Variants in GALNT14 observed in about 807,000 individuals in gnomAD.
GALNT14 encodes polypeptide N-acetylgalactosaminyltransferase 14.
In GALNT14, 60 loss-of-function variants were observed where a neutral mutation model predicts 77.5. The observed-to-expected ratio is 0.77, with a 90% CI of 0.63 to 0.96. GALNT14 has a LOEUF of 0.96. Among genes scored for constraint, GALNT14 ranks in the 40% least tolerant of loss-of-function variants. The probability of loss-of-function intolerance (pLI) is 0.00; values close to 1 mark genes in which losing one functional copy is unlikely to be tolerated. For missense variants in GALNT14, 710 were observed against 731.0 expected, an observed-to-expected ratio of 0.97 and a Z score of 0.33; for synonymous variants, 280 against 281.7, an observed-to-expected ratio of 0.99 and a Z score of 0.06.
intron 1 of GALNT14, among the ~76,000 whole-genome samples, chr2:31,050,100 G>A (rs562711748): frequency 3.3e-5 from 5 of 152,208 alleles, no homozygotes; most frequent in Admixed American, 1.3e-4. Context: ...AGAGTCCTGC[G>A]CCAAGAAAAA....
intron 1 of GALNT14, among the ~76,000 whole-genome samples, chr2:31,009,723 C>T (rs557013950): frequency 2.8e-4 from 42 of 152,264 alleles, no homozygotes; most frequent in Admixed American, 1.1e-3. Flanking sequence ...AAAGAAATGG[C>T]ACCACCAGCC....
At chr2:31,111,996 T>A (rs969422938) in intron 1 of GALNT14, among the ~76,000 whole-genome samples, 4 of 113,652 alleles carry the variant, frequency 3.5e-5, no homozygotes, top group African/African-American at 1.7e-4. Context: ...GTGTACTTGC[T>A]TTTTTTTTTT....
At chr2:31,013,325 C>T (rs1207212295) in intron 1 of GALNT14, among the ~76,000 whole-genome samples, 1 of 152,158 alleles carries the variant, frequency 6.6e-6, no homozygotes, top group African/African-American at 2.4e-5. Context: ...AAATTGCACA[C>T]CACATTCCAT....
Position 30,910,514 on chromosome 2 carries a change from T to A in GALNT14, c.*387A>T, listed in dbSNP as rs769215339. Reference sequence around the variant, plus strand: ...CTCTTTATTTCTTTTGGAAACAACCTCCATTCTTCATCTCTCAATGTAGTC... The same window carrying A: ...CTCTTTATTTCTTTTGGAAACAACCACCATTCTTCATCTCTCAATGTAGTC... On this transcript the variant is annotated 3_prime_UTR_variant, in exon 15 of 15. Coordinates refer to ENST00000349752, the MANE Select transcript of GALNT14 (RefSeq NM_024572.4). 36 of 165,100 alleles carry A rather than the reference T, an allele frequency of 2.2e-4. No homozygotes were observed. The highest frequency in any genetic ancestry group is 3.8e-4 in the Non-Finnish European group (29 of 76,846). The allele number at this position is 165,100 out of a possible 1,614,324, so 10.2% of individuals were successfully genotyped here.
chr2:31,013,278 C>G (rs35443055), intron 1 of GALNT14, among the ~76,000 whole-genome samples: 27,101 of 152,068 alleles, frequency 0.18, 2,565 homozygotes, highest in Admixed American at 0.26. Context: ...TAAATAAAAA[C>G]CTCCTGAGAT....
At chr2:31,035,717 G>C (rs183390442) in intron 1 of GALNT14, among the ~76,000 whole-genome samples, 26 of 151,420 alleles carry the variant, frequency 1.7e-4, no homozygotes, top group Admixed American at 6.6e-5. Flanking sequence ...AGGAACATGG[G>C]TGGAGCCAGA....
intron 11 of GALNT14, among the ~76,000 whole-genome samples, chr2:30,925,358 A>G (rs1485061315): frequency 2.6e-5 from 4 of 152,230 alleles, no homozygotes; most frequent in Non-Finnish European, 5.9e-5. Flanking sequence ...AAGCTTTTGA[A>G]CAATAGGCAA....
At chr2:31,114,621 A>G (rs1678008530) in intron 1 of GALNT14, 1 of 626,030 alleles carries the variant, frequency 1.6e-6, no homozygotes, top group Non-Finnish European at 2.9e-6. Context: ...AATCAGGGGC[A>G]AAAAGAAATT....
downstream of GALNT14, among the ~76,000 whole-genome samples, chr2:30,907,904 A>ACG (rs1401452346): frequency 8.5e-6 from 1 of 117,348 alleles, no homozygotes; most frequent in African/African-American, 3.3e-5. Flanking sequence ...GGCTGGTTCA[A>ACG]TATACGCAAA....
intron 5 of GALNT14, 67 bp downstream of exon 5, chr2:30,955,845 C>T (rs1667332404): frequency 1.2e-6 from 2 of 1,610,424 alleles, no homozygotes; most frequent in Non-Finnish European, 1.7e-6. Flanking sequence ...CCAACACACA[C>T]ACACCATCAC....
intron 1 of GALNT14, among the ~76,000 whole-genome samples, chr2:31,075,990 A>G (rs1675755750): frequency 1.3e-5 from 2 of 152,200 alleles, no homozygotes; most frequent in African/African-American, 4.8e-5. Flanking sequence ...ACCTACTTCA[A>G]TGAACACTTC....
the GALNT14 span, among the ~76,000 whole-genome samples, chr2:30,904,467 C>G: frequency 6.6e-6 from 1 of 152,304 alleles, no homozygotes; most frequent in South Asian, 2.1e-4. Context: ...CCTGGAAAAT[C>G]AGGTCACTCC....
intron 1 of GALNT14, among the ~76,000 whole-genome samples, chr2:31,068,720 A>G (rs1424056523): frequency 6.6e-6 from 1 of 152,174 alleles, no homozygotes; most frequent in Non-Finnish European, 1.5e-5. Flanking sequence ...ATGAGGCTGG[A>G]GGACTAATAA....
intron 6 of GALNT14, among the ~76,000 whole-genome samples, chr2:30,949,548 C>T (rs537627099): frequency 6.6e-6 from 1 of 152,300 alleles, no homozygotes; most frequent in African/African-American, 2.4e-5. Flanking sequence ...ATCCAAGTCC[C>T]TACTCTCCAC....
At chr2:31,007,733 A>G (rs193136301) in intron 1 of GALNT14, among the ~76,000 whole-genome samples, 2 of 152,342 alleles carry the variant, frequency 1.3e-5, no homozygotes, top group Admixed American at 6.5e-5. Context: ...TTTACTTTAT[A>G]AAAGTACTCA....
At chr2:31,091,382 C>T (rs774767099) in intron 1 of GALNT14, among the ~76,000 whole-genome samples, 13 of 152,214 alleles carry the variant, frequency 8.5e-5, no homozygotes, top group Non-Finnish European at 1.5e-4. Flanking sequence ...ACCAGGAGAG[C>T]TGAGTGGTTG....
At chr2:30,955,198 G>A (rs1406913724) in intron 6 of GALNT14, among the ~76,000 whole-genome samples, 1 of 152,098 alleles carries the variant, frequency 6.6e-6, no homozygotes, top group African/African-American at 2.4e-5. Flanking sequence ...GTAGAAGTAA[G>A]ACAGAGGCCC....
intron 1 of GALNT14, among the ~76,000 whole-genome samples, chr2:31,119,138 C>G (rs1678259504): frequency 6.6e-6 from 1 of 152,092 alleles, no homozygotes; most frequent in Non-Finnish European, 1.5e-5. Flanking sequence ...TTGGGATATT[C>G]TATGTACAAT....
intron 1 of GALNT14, among the ~76,000 whole-genome samples, chr2:31,113,973 T>A (rs1677970604): frequency 6.6e-6 from 1 of 152,006 alleles, no homozygotes; most frequent in East Asian, 1.9e-4. Context: ...TGCAGAACAA[T>A]GTATGGGAAC....
Sources: allele counts gnomAD v4.1 joint callset (sites outside exome capture counted in the v4.1 genomes callset), GRCh38; gene constraint gnomAD v4.1.1; transcripts MANE v1.5; gene names NCBI Gene and HGNC (gene_info 2026-07-23, HGNC 2026-07-21).